DLGAP2: variants seen among roughly 807,000 people sequenced by gnomAD.
DLGAP2 encodes DLG associated protein 2.
In DLGAP2, 26 loss-of-function variants were observed where a neutral mutation model predicts 100.3. The observed-to-expected ratio is 0.26, with a 90% CI of 0.19 to 0.36. The LOEUF (loss-of-function observed/expected upper bound fraction) is 0.36. Among genes scored for constraint, DLGAP2 ranks in the 10% least tolerant of loss-of-function variants. DLGAP2 has a pLI of 1.00. For synonymous variants in DLGAP2, 886 were observed against 630.1 expected (o/e 1.41, Z -6.08); for missense variants, 1,858 against 1,453.2 (o/e 1.28, Z -4.53).
intron 2 of DLGAP2, among the ~76,000 whole-genome samples, chr8:1,138,658 C>T (rs1248004014): frequency 6.6e-6 from 1 of 152,240 alleles, no homozygotes; most frequent in Non-Finnish European, 1.5e-5. Flanking sequence ...GCTGGCCTCC[C>T]TCTCAGGTCT....
intron 1 of DLGAP2, among the ~76,000 whole-genome samples, chr8:759,932 C>T (rs1339008755): frequency 2.0e-5 from 3 of 152,236 alleles, no homozygotes; most frequent in Non-Finnish European, 4.4e-5. Flanking sequence ...CCAGCAGCTC[C>T]ACGCTTACTT....
At chr8:1,563,858 A>G (rs973479159) in intron 5 of DLGAP2, among the ~76,000 whole-genome samples, 19 of 152,162 alleles carry the variant, frequency 1.2e-4, no homozygotes, top group African/African-American at 4.6e-4. Flanking sequence ...CACAGGCAAT[A>G]TGGACACTGG....
At chr8:1,261,144 C>A (rs1393202594) in intron 3 of DLGAP2, among the ~76,000 whole-genome samples, 2 of 151,754 alleles carry the variant, frequency 1.3e-5, no homozygotes, top group African/African-American at 4.8e-5. Context: ...ACTGGGAGGG[C>A]AGGTCAGCTT....
chr8:1,231,114 A>C (rs73527767), intron 2 of DLGAP2, among the ~76,000 whole-genome samples: 9,229 of 152,246 alleles, frequency 0.061, 930 homozygotes, highest in African/African-American at 0.21. Flanking sequence ...TCTAATACAC[A>C]GAATCTATAA....
chr8:1,572,865 T>G (rs1263780118), intron 6 of DLGAP2, among the ~76,000 whole-genome samples: 1 of 78,826 alleles, frequency 1.3e-5, no homozygotes, highest in Non-Finnish European at 2.4e-5. Flanking sequence ...GGTTGAACTG[T>G]GGGGGCATCT....
At chr8:1,199,938 C>T (rs539405239) in intron 2 of DLGAP2, among the ~76,000 whole-genome samples, 2 of 67,356 alleles carry the variant, frequency 3.0e-5, no homozygotes, top group Non-Finnish European at 6.3e-5. Context: ...TGGAAGGATT[C>T]CCCCCCACAA....
intron 12 of DLGAP2, among the ~76,000 whole-genome samples, chr8:1,686,336 C>T (rs1424561560): frequency 6.6e-6 from 1 of 152,134 alleles, no homozygotes. Context: ...GTGAGATAAG[C>T]CAGGCACAGA....
Position 1,549,035 on chromosome 8 carries a change from C to T in DLGAP2, c.582C>T (p.Asp194=), listed in dbSNP as rs1355576596. Residue 194 remains aspartate (D), a synonymous_variant, in exon 5 of 15, where the codon GAC becomes GAT. Coordinates refer to ENST00000637795, the MANE Select transcript of DLGAP2 (RefSeq NM_001346810.2). ...KINRIPANLL[D]QFEKQLPLHR... ...ACCGCATCCCGGCCAACCTGCTGGA[C>T]CAGTTCGAGAAGCAGCTGCCGCTGC... is the stretch of plus-strand genomic sequence containing the variant. The T allele has an allele frequency of 1.3e-6, 2 of 1,595,330 alleles. No homozygotes were observed. The highest frequency in any genetic ancestry group is 1.1e-5 in the South Asian group (1 of 89,652).
At chr8:903,146 T>C (rs902025825) in intron 1 of DLGAP2, among the ~76,000 whole-genome samples, 1 of 151,946 alleles carries the variant, frequency 6.6e-6, no homozygotes, top group Non-Finnish European at 1.5e-5. Flanking sequence ...GCCTCCATGC[T>C]CTTTAATCTC....
intron 3 of DLGAP2, among the ~76,000 whole-genome samples, chr8:1,351,525 A>T (rs866469870): frequency 3.4e-4 from 17 of 49,300 alleles, no homozygotes; most frequent in Non-Finnish European, 3.9e-4. Context: ...TGTGTGTGGA[A>T]AGGCCGTGTG....
rs182190664 is a variant in DLGAP2 at position 867,117 on chromosome 8, G to A, written c.19-40795G>A. ...CGTGTGCCGCCTACCGGCCGTCACC[G>A]TGGGCAAAGTGACCACAGACTTCTC... is the stretch of plus-strand genomic sequence containing the variant. On this transcript the variant is annotated intron_variant, in intron 1 of 14. Transcript: ENST00000637795. 3.0e-4 allele frequency among the ~76,000 whole-genome samples: 46 copies of A among 152,318 alleles called. No homozygotes were observed. In the East Asian group the frequency reaches 5.8e-3, roughly 19 times the overall value.
intron 3 of DLGAP2, among the ~76,000 whole-genome samples, chr8:1,279,082 AC>A (rs1799764114): frequency 6.6e-6 from 1 of 152,246 alleles, no homozygotes; most frequent in Admixed American, 6.5e-5. Context: ...ATTTTACAAA[AC>A]AAGAACAAAA....
rs1563239786 is a variant in DLGAP2 at position 1,187,404 on chromosome 8, T to TCTCACAC, written c.74-71447_74-71446insCTCACAC. 8.2e-5 allele frequency among the ~76,000 whole-genome samples: 11 copies of TCTCACAC among 134,836 alleles called. 1 individual carries two copies. Among genetic ancestry groups the TCTCACAC allele is most frequent in the African/African-American group, 3.3e-4 (11 of 33,442 alleles). 88.5% of individuals were successfully genotyped at this position (134,836 alleles called of 152,430 possible). A position where few individuals can be genotyped will look rare whatever the true frequency, so the allele number is the denominator to read the frequency against. On this transcript the variant is annotated intron_variant, in intron 2 of 14. Coordinates refer to ENST00000637795, the MANE Select transcript of DLGAP2 (RefSeq NM_001346810.2). ...CCTCCGTGACGTTTCCCTCACGGAA[T>TCTCACAC]GTCACACGCCCGGGACCTCCGTGAC...
At chr8:1,115,065 G>A (rs973305282) in intron 2 of DLGAP2, among the ~76,000 whole-genome samples, 3 of 152,114 alleles carry the variant, frequency 2.0e-5, no homozygotes, top group Non-Finnish European at 4.4e-5. Flanking sequence ...ATTGTATTTG[G>A]CATGGTTTCA....
At chr8:973,940 C>T (rs1013649257) in intron 2 of DLGAP2, among the ~76,000 whole-genome samples, 11 of 151,192 alleles carry the variant, frequency 7.3e-5, no homozygotes, top group East Asian at 1.9e-4. Flanking sequence ...GAGCGCTGGG[C>T]GCAAGCTGCG....
intron 2 of DLGAP2, among the ~76,000 whole-genome samples, chr8:1,077,226 C>G (rs576192033): frequency 6.2e-4 from 95 of 152,338 alleles, no homozygotes; most frequent in Admixed American, 8.5e-4. Context: ...ATCCTCCACT[C>G]CAGCATGACC....
At chr8:1,094,361 G>A (rs1026212942) in intron 2 of DLGAP2, among the ~76,000 whole-genome samples, 1 of 152,214 alleles carries the variant, frequency 6.6e-6, no homozygotes, top group African/African-American at 2.4e-5. Context: ...AAGTCACAAG[G>A]TGGGTCCACG....
chr8:1,033,869 C>G (rs867794882), intron 2 of DLGAP2, among the ~76,000 whole-genome samples: 15 of 92,272 alleles, frequency 1.6e-4, no homozygotes, highest in African/African-American at 3.2e-4. Flanking sequence ...GGGTTCACAG[C>G]CTCATCCCGA....
At chr8:881,668 C>CAT (rs765611305) in intron 1 of DLGAP2, among the ~76,000 whole-genome samples, 1 of 121,038 alleles carries the variant, frequency 8.3e-6, no homozygotes, top group Non-Finnish European at 1.8e-5. Flanking sequence ...TGTGGCTGAA[C>CAT]ACACACACAC....
Sources: gnomAD v4.1 joint callset for allele counts (sites outside exome capture counted in the v4.1 genomes callset) on GRCh38, gnomAD v4.1.1 for gene constraint, MANE v1.5 for transcripts, NCBI Gene and HGNC (gene_info 2026-07-23, HGNC 2026-07-21) for gene names.